HRH2: variants seen among roughly 807,000 people sequenced by gnomAD.
HRH2 encodes the protein histamine H2 receptor.
In HRH2, 4 loss-of-function variants were observed where a neutral mutation model predicts 20.1. The observed-to-expected ratio is 0.20, with a 90% CI of 0.10 to 0.45. HRH2 has a LOEUF of 0.45. Among genes scored for constraint, HRH2 ranks in the 20% least tolerant of loss-of-function variants. The probability of loss-of-function intolerance (pLI) is 0.99; values close to 1 mark genes in which losing one functional copy is unlikely to be tolerated. For synonymous variants in HRH2, 197 were observed against 200.7 expected (o/e 0.98, Z 0.16); for missense variants, 250 against 461.6 (o/e 0.54, Z 4.20).
intron 1 of HRH2, among the ~76,000 whole-genome samples, chr5:175,682,502 CCAG>C (rs1561728864): frequency 1.3e-5 from 2 of 152,118 alleles, no homozygotes; most frequent in Non-Finnish European, 2.9e-5. Flanking sequence ...GTCTCAGTGT[CCAG>C]CCCCTTGCAT....
Position 175,684,289 on chromosome 5 carries a change from C to T in HRH2, c.1056C>T (p.Ala352=). 2.5e-6 allele frequency: 4 copies of T among 1,613,928 alleles called. No individual in the cohort carries two copies. Among genetic ancestry groups the T allele is most frequent in the Non-Finnish European group, 3.4e-6 (4 of 1,179,940 alleles). Residue 352 remains alanine (A), a synonymous_variant, in exon 2 of 3, where the codon GCC becomes GCT. Coordinates refer to ENST00000636584, the MANE Select transcript of HRH2 (RefSeq NM_001367711.1). The part of the protein sequence containing the change: ...LQVWSGTEVT[A]PQGATDRKPA... ...TGTGGAGTGGGACAGAAGTCACGGC[C>T]CCCCAGGGAGCCACAGACAGGTAAT... is the stretch of plus-strand genomic sequence containing the variant.
At chr5:175,705,362 G>A (rs1181143575) in intron 2 of HRH2, among the ~76,000 whole-genome samples, 1 of 152,092 alleles carries the variant, frequency 6.6e-6, no homozygotes, top group Non-Finnish European at 1.5e-5. Context: ...ATACACCGGG[G>A]GACAGGTCCA....
chr5:175,665,707 C>T (rs941360134), intron 1 of HRH2, among the ~76,000 whole-genome samples: 1 of 152,100 alleles, frequency 6.6e-6, no homozygotes, highest in South Asian at 2.1e-4. Flanking sequence ...AGGCAGATTC[C>T]CCCAAACAAT....
intron 2 of HRH2, among the ~76,000 whole-genome samples, chr5:175,705,608 T>C (rs892602476): frequency 1.3e-5 from 2 of 152,148 alleles, no homozygotes; most frequent in Non-Finnish European, 2.9e-5. Flanking sequence ...GTTTGTTTTT[T>C]AACTGCTTCT....
At position 175,709,721 on chromosome 5, in the gene HRH2, A is replaced by T. The variant is rs1479313088; in HGVS notation, c.*1750A>T. 1 of 152,568 alleles carries T rather than the reference A, an allele frequency of 6.6e-6. No individual in the cohort carries two copies. The highest frequency in any genetic ancestry group is 6.5e-5 in the Admixed American group (1 of 15,280). 9.5% of individuals were successfully genotyped at this position (152,568 alleles called of 1,614,324 possible). A position where few individuals can be genotyped will look rare whatever the true frequency, so the allele number is the denominator to read the frequency against. On this transcript the variant is annotated 3_prime_UTR_variant, in exon 3 of 3. Coordinates refer to ENST00000636584, the MANE Select transcript of HRH2 (RefSeq NM_001367711.1). The stretch of plus-strand genomic sequence containing the variant: ...CCATCCGACCACCATTGTCTCCATC[A>T]GGACAGTTGGAACACCTCTTCTCAG...
intron 1 of HRH2, among the ~76,000 whole-genome samples, chr5:175,675,334 C>G (rs1045355677): frequency 6.6e-6 from 1 of 152,200 alleles, no homozygotes; most frequent in South Asian, 2.1e-4. Flanking sequence ...GATGATTGAA[C>G]CTTCAATGAC....
At chr5:175,702,846 C>T (rs778187020) in intron 2 of HRH2, among the ~76,000 whole-genome samples, 10 of 151,432 alleles carry the variant, frequency 6.6e-5, no homozygotes, top group Non-Finnish European at 1.5e-4. Flanking sequence ...GGATTACAGG[C>T]GTGAGCCACT....
Position 175,709,038 on chromosome 5 carries a change from T to C in HRH2, c.*1067T>C, listed in dbSNP as rs1456870371. 6.6e-6 allele frequency: 1 copy of C among 151,962 alleles called. No individual in the cohort carries two copies. Among genetic ancestry groups the C allele is most frequent in the Non-Finnish European group, 1.5e-5 (1 of 68,014 alleles). The allele number at this position is 151,962 out of a possible 1,614,324, so 9.4% of individuals were successfully genotyped here. A position where few individuals can be genotyped will look rare whatever the true frequency, so the allele number is the denominator to read the frequency against. ...CTGTCCAAGAGGGTAGGCCCCCTGTTCCTATTTACAGGATCCATAAAGAGA... is the reference window on the plus strand; with the variant it reads ...CTGTCCAAGAGGGTAGGCCCCCTGTCCCTATTTACAGGATCCATAAAGAGA... On this transcript the variant is annotated 3_prime_UTR_variant, in exon 3 of 3. Coordinates refer to ENST00000636584, the MANE Select transcript of HRH2 (RefSeq NM_001367711.1).
In HRH2 at chr5:175,681,426, C is replaced by T. The variant is rs150802718; in HGVS notation, c.-525-1283C>T. ...TTAGCTTGCTTCTGAGAGGGGGTTC[C>T]GCCATCAACTCGATTTCTGCACACA... On this transcript the variant is annotated intron_variant, in intron 1 of 2. Transcript: ENST00000636584. The surrounding 1 kb of genome is among the most constrained non-coding windows in gnomAD (Gnocchi z 4.3). 2.6e-5 allele frequency among the ~76,000 whole-genome samples: 4 copies of T among 152,230 alleles called. No individual in the cohort carries two copies. The highest frequency in any genetic ancestry group is 1.9e-4 in the East Asian group (1 of 5,184).
intron 1 of HRH2, among the ~76,000 whole-genome samples, chr5:175,672,668 T>C (rs557765940): frequency 2.0e-4 from 30 of 152,312 alleles, no homozygotes; most frequent in African/African-American, 6.0e-4. Context: ...ATTATGTGCC[T>C]GTTGGGGAGC....
chr5:175,683,621 G>A lies in HRH2; in HGVS notation c.388G>A (p.Val130Ile). 6.2e-7 allele frequency: 1 copy of A among 1,614,176 alleles called. No homozygotes were observed. The change falls in exon 2 of 3, where the codon GTC becomes ATC. Residue 130 changes from valine to isoleucine, a missense_variant. Transcript: ENST00000636584. ...VMDPLRYPVL[V>I]TPVRVAISLV... ...GGACCCACTGCGGTACCCTGTGCTG[G>A]TCACCCCAGTTCGGGTCGCCATCTC...
At chr5:175,669,608 C>T (rs1211369919) in intron 1 of HRH2, among the ~76,000 whole-genome samples, 2 of 152,202 alleles carry the variant, frequency 1.3e-5, no homozygotes, top group Non-Finnish European at 2.9e-5. Flanking sequence ...AAGCGATCCA[C>T]CCACCTCGGC....
Position 175,693,311 on chromosome 5 carries a change from A to G in HRH2, c.1076+9002A>G, listed in dbSNP as rs1056744310. Reference sequence around the variant, plus strand: ...AGCCCTTGAGGCTCTCCTGGGGCATAAGGACCATTCCCTCCCCACCCTGCC... The same window carrying G: ...AGCCCTTGAGGCTCTCCTGGGGCATGAGGACCATTCCCTCCCCACCCTGCC... On this transcript the variant is annotated intron_variant, in intron 2 of 2. Transcript: ENST00000636584. This position sits in a 1 kb window ranked among gnomAD's most constrained non-coding sequence, Gnocchi z 4.4. 5.9e-5 allele frequency among the ~76,000 whole-genome samples: 9 copies of G among 152,100 alleles called. No individual in the cohort carries two copies. Among genetic ancestry groups the G allele is most frequent in the African/African-American group, 1.9e-4 (8 of 41,414 alleles).
intron 2 of HRH2, among the ~76,000 whole-genome samples, chr5:175,696,923 C>T (rs1756609633): frequency 6.6e-6 from 1 of 152,242 alleles, no homozygotes; most frequent in Non-Finnish European, 1.5e-5. Flanking sequence ...ATGGTGGCCT[C>T]CCGTGGTAGC....
At chr5:175,663,660 G>T (rs1762801770) in intron 1 of HRH2, among the ~76,000 whole-genome samples, 2 of 152,294 alleles carry the variant, frequency 1.3e-5, no homozygotes, top group South Asian at 4.1e-4. Context: ...CTTTGTAGTT[G>T]CCAGTTCCTC....
intron 2 of HRH2, among the ~76,000 whole-genome samples, chr5:175,699,385 A>G (rs1296074421): frequency 1.3e-5 from 2 of 152,170 alleles, no homozygotes; most frequent in Non-Finnish European, 2.9e-5. Flanking sequence ...GGCTGGCCCC[A>G]AGGGCAGGAG....
At chr5:175,694,569 A>AT (rs1756504550) in intron 2 of HRH2, among the ~76,000 whole-genome samples, 1 of 152,144 alleles carries the variant, frequency 6.6e-6, no homozygotes, top group Non-Finnish European at 1.5e-5. Context: ...AGGCTCAGCC[A>AT]TGTGCTCAGG....
At chr5:175,703,902 T>C (rs1756863187) in intron 2 of HRH2, 1 of 152,144 alleles carries the variant, frequency 6.6e-6, no homozygotes, top group Admixed American at 6.5e-5. Flanking sequence ...AATGGCAGGC[T>C]CACTTTGGCA....
chr5:175,684,390 G>A, intron 2 of HRH2, 81 bp downstream of exon 2: 1 of 1,533,294 alleles, frequency 6.5e-7, no homozygotes, highest in Non-Finnish European at 8.8e-7. Flanking sequence ...GGGAGCTGCT[G>A]TTTAGGTGGT....
Sources: allele counts gnomAD v4.1 joint callset (sites outside exome capture counted in the v4.1 genomes callset), GRCh38; gene constraint gnomAD v4.1.1; non-coding constraint Gnocchi (gnomAD v3.1); transcripts MANE v1.5; gene names NCBI Gene and HGNC (gene_info 2026-07-23, HGNC 2026-07-21).